Variants in DAB1 observed in about 807,000 individuals in gnomAD.
DAB1 encodes the protein disabled homolog 1.
In DAB1, 15 loss-of-function variants were observed where a neutral mutation model predicts 64.6. The ratio of observed to expected loss-of-function variants is 0.23; its 90% CI spans 0.16 to 0.36. DAB1 has a LOEUF of 0.36. DAB1 is among the 10% of genes least tolerant of loss of function. The pLI is 1.00. For synonymous variants in DAB1, 235 were observed against 251.9 expected (o/e 0.93, Z 0.64); for missense variants, 596 against 706.7 (o/e 0.84, Z 1.78).
chr1:57,365,342 TA>T (rs1370062856), intron 1 of DAB1, among the ~76,000 whole-genome samples: 2 of 142,348 alleles, frequency 1.4e-5, no homozygotes, highest in East Asian at 4.0e-4. Context: ...AGAATATATA[TA>T]AATATATATT....
At chr1:57,162,162 C>T (rs1256856823) in intron 2 of DAB1, among the ~76,000 whole-genome samples, 2 of 152,224 alleles carry the variant, frequency 1.3e-5, no homozygotes, top group East Asian at 1.9e-4. Context: ...GTTGCTTCAT[C>T]ATCTTCCCCT....
chr1:57,339,497 T>C (rs1336855004), intron 1 of DAB1, among the ~76,000 whole-genome samples: 1 of 152,232 alleles, frequency 6.6e-6, no homozygotes, highest in East Asian at 1.9e-4. Flanking sequence ...TTCAAAGCCT[T>C]TAACAAAGCA....
chr1:57,983,917 A>C (rs913652738), intron 5 of DAB1, among the ~76,000 whole-genome samples: 7 of 152,106 alleles, frequency 4.6e-5, no homozygotes, highest in African/African-American at 1.7e-4. Context: ...TCCCCAGAAT[A>C]GTGCTATTTG....
intron 6 of DAB1, among the ~76,000 whole-genome samples, chr1:57,739,305 A>G (rs1478516843): frequency 6.6e-6 from 1 of 152,026 alleles, no homozygotes; most frequent in African/African-American, 2.4e-5. Context: ...GCTCATCTGA[A>G]GTGCTCTCAC....
At chr1:57,192,414 C>T (rs561978584) in intron 2 of DAB1, among the ~76,000 whole-genome samples, 25 of 152,030 alleles carry the variant, frequency 1.6e-4, no homozygotes, top group African/African-American at 5.8e-4. Flanking sequence ...AGATGTATGC[C>T]TTTGGGTAAA....
Position 57,557,154 on chromosome 1 carries a change from C to T in DAB1, n.625+92438G>A, listed in dbSNP as rs187502678. On this transcript the variant is annotated intron_variant and non_coding_transcript_variant, in intron 7 of 20. Transcript: ENST00000485760. The stretch of plus-strand genomic sequence containing the variant: ...CAGTGGGCTTGGAAAGGTAGACCGA[C>T]TCTTAATCTGGGTGGGCACAATCTG... 4.6e-5 allele frequency among the ~76,000 whole-genome samples: 7 copies of T among 152,224 alleles called. No homozygotes were observed. In the East Asian group the frequency reaches 1.4e-3, roughly 29 times the overall value.
At chr1:58,043,940 C>A (rs749282204) in intron 5 of DAB1, among the ~76,000 whole-genome samples, 4 of 152,146 alleles carry the variant, frequency 2.6e-5, no homozygotes, top group Admixed American at 1.3e-4. Flanking sequence ...GTTGGCCAGG[C>A]TGGTCTTGAA....
At chr1:57,416,757 C>T (rs1293254126) in intron 1 of DAB1, among the ~76,000 whole-genome samples, 2 of 152,170 alleles carry the variant, frequency 1.3e-5, no homozygotes, top group East Asian at 1.9e-4. Context: ...GCAGACTGAA[C>T]ACATTTAATT....
chr1:57,636,971 A>C (rs1216597063), intron 7 of DAB1, among the ~76,000 whole-genome samples: 1 of 152,192 alleles, frequency 6.6e-6, no homozygotes, highest in Non-Finnish European at 1.5e-5. Context: ...AGGGTCATAA[A>C]AATTAAAAAA....
chr1:57,138,740 C>T (rs1234046910), intron 3 of DAB1, among the ~76,000 whole-genome samples: 2 of 152,188 alleles, frequency 1.3e-5, no homozygotes, highest in Non-Finnish European at 2.9e-5. Flanking sequence ...TAATGCCACC[C>T]TCTCTGACCC....
chr1:57,064,558 T>C (rs1246883154), intron 8 of DAB1, among the ~76,000 whole-genome samples: 1 of 152,172 alleles, frequency 6.6e-6, no homozygotes, highest in Admixed American at 6.5e-5. Context: ...CTAGAACACC[T>C]GTGACCTTGA....
chr1:57,850,477 A>G (rs1042706176), intron 1 of DAB1, among the ~76,000 whole-genome samples: 10 of 152,040 alleles, frequency 6.6e-5, no homozygotes, highest in Non-Finnish European at 8.8e-5. Context: ...TTAACTGAGA[A>G]AATGAAACCA....
chr1:57,382,041 G>C (rs1475174908), intron 1 of DAB1, among the ~76,000 whole-genome samples: 1 of 152,162 alleles, frequency 6.6e-6, no homozygotes, highest in South Asian at 2.1e-4. Flanking sequence ...ATGCTCTGGG[G>C]TTGAGGCTGC....
chr1:57,721,985 T>C (rs1018625912), intron 6 of DAB1, among the ~76,000 whole-genome samples: 2 of 152,180 alleles, frequency 1.3e-5, no homozygotes, highest in Non-Finnish European at 1.5e-5. Context: ...ATTTTATACC[T>C]TAGCCCACTC....
intron 4 of DAB1, among the ~76,000 whole-genome samples, chr1:58,251,147 GGTAA>G (rs1406634758): frequency 6.6e-6 from 1 of 152,156 alleles, no homozygotes; most frequent in Non-Finnish European, 1.5e-5. Flanking sequence ...CTTGACACAT[GGTAA>G]GTGATAGCAA....
chr1:57,804,688 T>C (rs1230556606), intron 6 of DAB1, among the ~76,000 whole-genome samples: 1 of 152,222 alleles, frequency 6.6e-6, no homozygotes, highest in Non-Finnish European at 1.5e-5. Flanking sequence ...CTTTGGATGA[T>C]TAAGAGTTAA....
intron 5 of DAB1, among the ~76,000 whole-genome samples, chr1:57,997,662 TG>T (rs1646446137): frequency 6.6e-6 from 1 of 152,004 alleles, no homozygotes; most frequent in Non-Finnish European, 1.5e-5. Flanking sequence ...ATTGCTGAAC[TG>T]GGGGTGAAGA....
intron 5 of DAB1, among the ~76,000 whole-genome samples, chr1:57,957,859 A>C (rs546263651): frequency 6.6e-6 from 1 of 152,340 alleles, no homozygotes; most frequent in Non-Finnish European, 1.5e-5. Context: ...ACAAGACTTC[A>C]AAAGAATTTT....
intron 1 of DAB1, among the ~76,000 whole-genome samples, chr1:58,543,367 T>C (rs1263610447): frequency 6.6e-6 from 1 of 152,214 alleles, no homozygotes; most frequent in Non-Finnish European, 1.5e-5. Context: ...ATTTAATCAG[T>C]TCCAGAAATA....
Sources: gnomAD v4.1 joint callset for allele counts (sites outside exome capture counted in the v4.1 genomes callset) on GRCh38, gnomAD v4.1.1 for gene constraint, MANE v1.5 for transcripts, NCBI Gene and HGNC (gene_info 2026-07-23, HGNC 2026-07-21) for gene names.